Variants in GLE1 observed in about 807,000 individuals in gnomAD.
GLE1 encodes mRNA export factor GLE1.
In GLE1, 78 loss-of-function variants were observed where a neutral mutation model predicts 97.3. That is an observed-to-expected ratio of 0.80 (90% CI 0.67 to 0.97). GLE1 has a LOEUF of 0.97. Among genes scored for constraint, GLE1 ranks in the 50% least tolerant of loss-of-function variants. The probability of loss-of-function intolerance (pLI) is 0.00; values close to 1 mark genes in which losing one functional copy is unlikely to be tolerated. For synonymous variants in GLE1, 302 were observed against 313.4 expected, an observed-to-expected ratio of 0.96 and a Z score of 0.39; for missense variants, 753 against 857.5, an observed-to-expected ratio of 0.88 and a Z score of 1.52.
intron 3 of GLE1, among the ~76,000 whole-genome samples, chr9:128,518,350 C>G (rs1271699351): frequency 3.3e-5 from 5 of 152,054 alleles, no homozygotes; most frequent in African/African-American, 7.2e-5. Context: ...CACTTGAGGT[C>G]AGGAGTTTGA....
At chr9:128,507,301 G>T (rs537506622) in intron 1 of GLE1, among the ~76,000 whole-genome samples, 1 of 152,214 alleles carries the variant, frequency 6.6e-6, no homozygotes, top group South Asian at 2.1e-4. Flanking sequence ...CAAGCTGGGA[G>T]CCAGGCTTGG....
chr9:128,531,214 CAAAAAAAA>C (rs34976261), intron 9 of GLE1, among the ~76,000 whole-genome samples: 45 of 40,866 alleles, frequency 1.1e-3, no homozygotes, highest in African/African-American at 3.9e-3. Flanking sequence ...AACTCCATCT[CAAAAAAAA>C]AAAAAAAAAA....
chr9:128,516,719 G>A (rs1846999313), intron 3 of GLE1, among the ~76,000 whole-genome samples: 1 of 151,764 alleles, frequency 6.6e-6, no homozygotes, highest in Admixed American at 6.6e-5. Context: ...CCGCCTCCTG[G>A]GTTCCAGCAA....
In GLE1 at chr9:128,539,722, G is replaced by A. The variant is rs776904727; in HGVS notation, c.1964+24G>A. 3.7e-6 allele frequency: 6 copies of A among 1,613,826 alleles called. No individual in the cohort carries two copies. The South Asian group carries it at 6.6e-5, about 18-fold the overall frequency. On this transcript the variant is annotated intron_variant, in intron 14 of 15. Coordinates refer to ENST00000309971, the MANE Select transcript of GLE1 (RefSeq NM_001003722.2). ...AGGTATCAGGCTTGTTGAGCAGACA[G>A]CAGGGGATTAAGTAACTCATAACCA...
At chr9:128,535,477 A>C (rs1656945572) in intron 11 of GLE1, among the ~76,000 whole-genome samples, 1 of 140,648 alleles carries the variant, frequency 7.1e-6, no homozygotes, top group Non-Finnish European at 1.5e-5. Context: ...AGCCGAGATC[A>C]TGCCATTGCA....
At chr9:128,512,090 G>A (rs1186397985) in intron 2 of GLE1, among the ~76,000 whole-genome samples, 5 of 152,140 alleles carry the variant, frequency 3.3e-5, no homozygotes, top group Admixed American at 6.5e-5. Context: ...GATTACAGGC[G>A]TGAGCCACCA....
intron 3 of GLE1, 33 bp from the exon 4 acceptor site, chr9:128,522,635 T>TA (rs60154464): frequency 0.013 from 16,219 of 1,233,512 alleles, 1 homozygote; most frequent in Admixed American, 0.02. Flanking sequence ...GATTCCATCT[T>TA]AAAAAAAAAA....
chr9:128,522,635 TAAAA>T lies in GLE1; in HGVS notation c.433-13_433-10del, dbSNP rs60154464. On this transcript the variant is annotated intron_variant, in intron 3 of 15. Coordinates refer to ENST00000309971, the MANE Select transcript of GLE1 (RefSeq NM_001003722.2). The stretch of plus-strand genomic sequence containing the variant: ...CTGGCGACAGAGAGAGATTCCATCT[TAAAA>T]AAAAAAAAAAAAAAAAAAACCTTTT... The T allele has an allele frequency of 1.5e-3, 1,920 of 1,262,510 alleles. No homozygotes were observed. The highest frequency in any genetic ancestry group is 3.7e-3 in the Admixed American group (129 of 34,526). The allele number at this position is 1,262,510 out of a possible 1,614,324, so 78.2% of individuals were successfully genotyped here.
In GLE1 at chr9:128,522,047, A is replaced by C. The variant is rs57569274; in HGVS notation, c.433-621A>C. Reference sequence around the variant, plus strand: ...ATAGCTTGTTTATGGAATTAGAATGAGGATTTCCGTAAATTACCAATGAAC... The same window carrying C: ...ATAGCTTGTTTATGGAATTAGAATGCGGATTTCCGTAAATTACCAATGAAC... On this transcript the variant is annotated intron_variant, in intron 3 of 15. Transcript: ENST00000309971. Among the ~76,000 whole-genome samples, 736 of 152,308 alleles carry C rather than the reference A, an allele frequency of 4.8e-3. 5 individuals are homozygous for C. Among genetic ancestry groups the C allele is most frequent in the African/African-American group, 0.017 (698 of 41,570 alleles).
intron 2 of GLE1, among the ~76,000 whole-genome samples, chr9:128,512,515 T>A (rs1369721923): frequency 6.6e-6 from 1 of 152,182 alleles, no homozygotes; most frequent in Middle Eastern, 3.2e-3. Context: ...ATTTAAAAAT[T>A]AAAATTTTTA....
rs534399356 is a variant in GLE1 at position 128,541,461 on chromosome 9, C to T, written c.*291C>T. ...AGGTCTTTAGCACTTGGTCTCCTCC[C>T]TTGTCTCTAGTGTCTTTCAGAAAGT... On this transcript the variant is annotated 3_prime_UTR_variant, in exon 16 of 16. Transcript: ENST00000309971. 4.6e-6 allele frequency: 2 copies of T among 437,386 alleles called. No individual in the cohort carries two copies. Among genetic ancestry groups the T allele is most frequent in the East Asian group, 9.2e-5 (2 of 21,764 alleles). 27.1% of individuals were successfully genotyped at this position (437,386 alleles called of 1,614,324 possible).
At chr9:128,527,068 G>A (rs188283373) in intron 7 of GLE1, 111 bp from the exon 8 acceptor site, 1 of 716,172 alleles carries the variant, frequency 1.4e-6, no homozygotes, top group Admixed American at 2.0e-5. Context: ...CATAGTTATG[G>A]TGACAGTTAA....
rs757139411 is a variant in GLE1 at position 128,541,163 on chromosome 9, G to A, written c.2090G>A (p.Arg697His). ...GGCTTTCTGACTTCCTCCTTCTGGC[G>A]CTCCTGATGTCACTCCATCACCCAC... is the stretch of plus-strand genomic sequence containing the variant. ...PKGFLTSSFWRS is the reference protein window; with the variant it reads ...PKGFLTSSFWHS The change falls in exon 16 of 16, where the codon CGC becomes CAC. Residue 697 changes from arginine (R) to histidine (H), a missense_variant. Physicochemically the swap from Arg to His is conservative, Grantham distance 29. Coordinates refer to ENST00000309971, the MANE Select transcript of GLE1 (RefSeq NM_001003722.2). The A allele has an allele frequency of 4.5e-5, 70 of 1,556,144 alleles. No homozygotes were observed. Among genetic ancestry groups the A allele is most frequent in the Non-Finnish European group, 5.8e-5 (65 of 1,127,300 alleles).
rs929068833 is a variant in GLE1, at chr9:128,520,255, A to AAT, written c.433-2400_433-2399dup. Among the ~76,000 whole-genome samples the AAT allele has an allele frequency of 6.1e-4, 92 of 149,918 alleles. 1 individual carries two copies. Among genetic ancestry groups the AAT allele is most frequent in the Admixed American group, 2.0e-3 (30 of 14,946 alleles). ...ACAGTGTGAGACTGTGTCTCCAAAA[A>AAT]ATATATATATATATGTATATATGTG... On this transcript the variant is annotated intron_variant, in intron 3 of 15. Coordinates refer to ENST00000309971, the MANE Select transcript of GLE1 (RefSeq NM_001003722.2).
chr9:128,508,882 T>C lies in GLE1; in HGVS notation c.106T>C (p.Leu36=). 1 of 1,580,744 alleles carries C rather than the reference T, an allele frequency of 6.3e-7. No individual in the cohort carries two copies. The change falls in exon 2 of 16, where the codon TTA becomes CTA. Residue 36 remains leucine (L), a synonymous_variant. Transcript: ENST00000309971. ...ACCCTATTCTTTTCTCTAGGATGTT[T>C]TAGAAGAATGTATGTCTCTTCCCAA... ...RDWLLRREDV[L]EECMSLPKLS...
At chr9:128,512,165 G>A (rs1846844279) in intron 2 of GLE1, among the ~76,000 whole-genome samples, 1 of 152,202 alleles carries the variant, frequency 6.6e-6, no homozygotes, top group South Asian at 2.1e-4. Context: ...TAGAGAAGGA[G>A]AATAGCTTAG....
At chr9:128,509,535 C>G (rs1846742114) in intron 2 of GLE1, among the ~76,000 whole-genome samples, 1 of 151,632 alleles carries the variant, frequency 6.6e-6, no homozygotes, top group Non-Finnish European at 1.5e-5. Flanking sequence ...GTTATTTCTC[C>G]CACTTAAAAA....
intron 9 of GLE1, chr9:128,532,806 A>T: frequency 5.0e-6 from 1 of 200,040 alleles, no homozygotes; most frequent in Non-Finnish European, 8.9e-6. Context: ...AACTGTAGCT[A>T]GTGTGGGGGT....
intron 2 of GLE1, among the ~76,000 whole-genome samples, chr9:128,514,767 C>T (rs1044245511): frequency 1.1e-4 from 17 of 152,098 alleles, no homozygotes; most frequent in Non-Finnish European, 2.1e-4. Flanking sequence ...TCTCAAACTC[C>T]TGACCTTGTA....
Sources: gnomAD v4.1 joint callset for allele counts (sites outside exome capture counted in the v4.1 genomes callset) on GRCh38, gnomAD v4.1.1 for gene constraint, MANE v1.5 for transcripts, NCBI Gene and HGNC (gene_info 2026-07-23, HGNC 2026-07-21) for gene names.